CPZ: variants seen among roughly 807,000 people sequenced by gnomAD.
The protein encoded by CPZ is VEZT/CPZ fusion.
In CPZ, 103 loss-of-function variants were observed where a neutral mutation model predicts 61.8. That is an observed-to-expected ratio of 1.67 (90% CI 1.42 to 1.96). The LOEUF is 1.96. Among genes scored for constraint, CPZ ranks in the 30% most tolerant of loss-of-function variants. The pLI is 0.00. For missense variants in CPZ, 1,461 were observed against 914.9 expected (o/e 1.60, Z -7.70); for synonymous variants, 551 against 373.7 (o/e 1.47, Z -5.47).
intron 9 of CPZ, among the ~76,000 whole-genome samples, chr4:8,615,926 T>G (rs1157187095): frequency 1.3e-5 from 2 of 152,252 alleles, no homozygotes; most frequent in African/African-American, 4.8e-5. Context: ...TTCTTTCTGA[T>G]GGCTGTGCCG....
At chr4:8,597,778 C>T (rs900329823) in intron 1 of CPZ, among the ~76,000 whole-genome samples, 1 of 152,228 alleles carries the variant, frequency 6.6e-6, no homozygotes, top group African/African-American at 2.4e-5. Context: ...GAGCCTCTTC[C>T]CCCCGGAAGA....
intron 2 of CPZ, chr4:8,600,832 G>GCC (rs1407707982): frequency 1.2e-6 from 1 of 840,818 alleles, no homozygotes; most frequent in Non-Finnish European, 1.6e-6. Flanking sequence ...GCCTTCACGG[G>GCC]CCCTTGTGTG....
chr4:8,618,186 A>T (rs1716361568), intron 9 of CPZ: 1 of 533,588 alleles, frequency 1.9e-6, no homozygotes. Flanking sequence ...CTCGGGTGAG[A>T]TGCAGGGTCA....
Position 8,617,971 on chromosome 4 carries a change from G to A in CPZ, c.1504-458G>A, listed in dbSNP as rs112653983. On this transcript the variant is annotated intron_variant, in intron 9 of 10. Coordinates refer to ENST00000360986, the MANE Select transcript of CPZ (RefSeq NM_001014447.3). ...GGCAGGGCGTGTTATACACGTGTAC[G>A]ATGAAGAAACCGCGCTGCTCGAGCG... is the stretch of plus-strand genomic sequence containing the variant. The A allele has an allele frequency of 2.1e-3, 408 of 189,994 alleles. 3 individuals carry two copies. The highest frequency in any genetic ancestry group is 8.5e-3 in the African/African-American group (366 of 42,930). The allele number at this position is 189,994 out of a possible 1,614,324, so 11.8% of individuals were successfully genotyped here. A position where few individuals can be genotyped will look rare whatever the true frequency, so the allele number is the denominator to read the frequency against.
chr4:8,599,586 G>T, intron 2 of CPZ, 101 bp downstream of exon 2: 1 of 1,561,628 alleles, frequency 6.4e-7, no homozygotes, highest in East Asian at 2.4e-5. Context: ...TTCAGAAGTG[G>T]GTAATGGATA....
intron 9 of CPZ, 94 bp downstream of exon 9, chr4:8,614,592 G>A (rs1282992025): frequency 3.7e-6 from 5 of 1,336,682 alleles, no homozygotes; most frequent in African/African-American, 2.9e-5. Flanking sequence ...TAGCCTCACT[G>A]CCCCATACAC....
intron 7 of CPZ, 135 bp downstream of exon 7, chr4:8,607,560 C>T: frequency 1.0e-6 from 1 of 975,430 alleles, no homozygotes; most frequent in Non-Finnish European, 1.5e-6. Context: ...TCAGCACCAC[C>T]TGCTCCAGGC....
chr4:8,597,114 C>G (rs1384503120), intron 1 of CPZ, among the ~76,000 whole-genome samples: 1 of 152,148 alleles, frequency 6.6e-6, no homozygotes, highest in African/African-American at 2.4e-5. Flanking sequence ...TGCCTCGGTC[C>G]AAGCTCAGTG....
chr4:8,593,191 T>A (rs968671814), intron 1 of CPZ, among the ~76,000 whole-genome samples: 24 of 152,036 alleles, frequency 1.6e-4, no homozygotes, highest in Non-Finnish European at 2.9e-5. Context: ...GGGGGTGAGA[T>A]CTTTTTCCTG....
intron 1 of CPZ, among the ~76,000 whole-genome samples, chr4:8,596,534 A>G (rs1428866471): frequency 6.6e-6 from 1 of 152,166 alleles, no homozygotes; most frequent in African/African-American, 2.4e-5. Flanking sequence ...GTCACAGGGG[A>G]TAGTCCTGCT....
Position 8,606,816 on chromosome 4 carries a change from C to T in CPZ, c.986C>T (p.Thr329Met), listed in dbSNP as rs377478120. The stretch of plus-strand genomic sequence containing the variant: ...CTGAACCGAAATTTCCCGGACCTGA[C>T]GTCCGAGTACTACCGGCTGGCGGAG... ...LDLNRNFPDL[T>M]SEYYRLAETR... Residue 329 changes from threonine (T) to methionine (M), a missense_variant, in exon 6 of 11, where the codon ACG becomes ATG. Coordinates refer to ENST00000360986, the MANE Select transcript of CPZ (RefSeq NM_001014447.3). The T allele has an allele frequency of 1.9e-5, 31 of 1,613,990 alleles. No individual in the cohort carries two copies. The highest frequency in any genetic ancestry group is 8.3e-5 in the Admixed American group (5 of 60,006).
rs1292388109 is a variant in CPZ, at chr4:8,606,190, G to C, written c.906+5G>C. The C allele has an allele frequency of 1.2e-6, 2 of 1,611,376 alleles. No individual in the cohort carries two copies. The highest frequency in any genetic ancestry group is 2.2e-5 in the East Asian group (1 of 44,780). The stretch of plus-strand genomic sequence containing the variant: ...TATGAGGTGGCAGCTGCCGAGGTGA[G>C]CGCCCAGATGCCTGGATCCTGTGGG... On this transcript the variant is annotated splice_donor_5th_base_variant and intron_variant, in intron 5 of 10. Transcript: ENST00000360986.
intron 7 of CPZ, among the ~76,000 whole-genome samples, chr4:8,610,674 G>T (rs146964789): frequency 6.6e-6 from 1 of 152,200 alleles, no homozygotes; most frequent in African/African-American, 2.4e-5. Flanking sequence ...GGGAAAGTCC[G>T]CTGAGGCTTC....
In CPZ at chr4:8,605,983, C is replaced by A; in HGVS notation, c.710-6C>A. The A allele has an allele frequency of 1.2e-6, 2 of 1,611,124 alleles. No individual in the cohort carries two copies. The highest frequency in any genetic ancestry group is 1.7e-6 in the Non-Finnish European group (2 of 1,177,456). Reference sequence around the variant, plus strand: ...TGATGCCCCAAGTCTCTGTATTTGCCCCCAGTGGAGCCCGAGGTGAAGCTC... The same window carrying A: ...TGATGCCCCAAGTCTCTGTATTTGCACCCAGTGGAGCCCGAGGTGAAGCTC... On this transcript the variant is annotated splice_polypyrimidine_tract_variant and splice_region_variant and intron_variant, in intron 4 of 10. Coordinates refer to ENST00000360986, the MANE Select transcript of CPZ (RefSeq NM_001014447.3).
At chr4:8,609,072 CCA>C (rs1715321683) in intron 7 of CPZ, among the ~76,000 whole-genome samples, 7 of 112,322 alleles carry the variant, frequency 6.2e-5, no homozygotes, top group African/African-American at 2.0e-4. Context: ...CCCTCACTCA[CCA>C]CTCATACATT....
At chr4:8,602,181 C>G (rs1407242001) in intron 3 of CPZ, 1 of 152,326 alleles carries the variant, frequency 6.6e-6, no homozygotes, top group Non-Finnish European at 1.5e-5. Flanking sequence ...AAAGAGGTGC[C>G]AGAGGGCCAC....
intron 7 of CPZ, among the ~76,000 whole-genome samples, chr4:8,610,228 G>C (rs1715537756): frequency 6.6e-6 from 1 of 152,210 alleles, no homozygotes; most frequent in African/African-American, 2.4e-5. Context: ...ATTTATCTGT[G>C]TCTCTTCCTT....
Position 8,612,083 on chromosome 4 carries a change from G to C in CPZ, c.1284G>C (p.Arg428Ser), listed in dbSNP as rs764437902. ...ACGTCCACCCCATGATGATGGACAG[G>C]TCGGAGAATAGGTGTGGAGGCAATT... ...YADVHPMMMDRSENRCGGNFL... is the reference protein window; with the variant it reads ...YADVHPMMMDSSENRCGGNFL... Residue 428 changes from arginine (R) to serine (S), a missense_variant, in exon 8 of 11, where the codon AGG (arginine) becomes AGC (serine). By Grantham distance (110) the Arg-to-Ser change is moderately radical (BLOSUM62 -1). Coordinates refer to ENST00000360986, the MANE Select transcript of CPZ (RefSeq NM_001014447.3). 9 of 1,613,542 alleles carry C rather than the reference G, an allele frequency of 5.6e-6. No individual in the cohort carries two copies. Among genetic ancestry groups the C allele is most frequent in the Non-Finnish European group, 7.6e-6 (9 of 1,179,914 alleles).
intron 7 of CPZ, chr4:8,611,356 G>A (rs947415215): frequency 4.5e-6 from 2 of 439,866 alleles, no homozygotes; most frequent in Admixed American, 4.7e-5. Context: ...ATGCGGGGAA[G>A]CTCTGGGCTG....
Sources: allele counts gnomAD v4.1 joint callset (sites outside exome capture counted in the v4.1 genomes callset), GRCh38; gene constraint gnomAD v4.1.1; transcripts MANE v1.5; gene names NCBI Gene and HGNC (gene_info 2026-07-23, HGNC 2026-07-21).